PARP14: variants seen among roughly 807,000 people sequenced by gnomAD.
The protein encoded by PARP14 is protein mono-ADP-ribosyltransferase PARP14.
In PARP14, 59 loss-of-function variants were observed where a neutral mutation model predicts 154.2. The ratio of observed to expected loss-of-function variants is 0.38; its 90% CI spans 0.31 to 0.48. PARP14 has a LOEUF of 0.48. PARP14 is among the 20% of genes least tolerant of loss of function. PARP14 has a pLI of 0.98. For missense variants in PARP14, 1,734 were observed against 2,131.6 expected, an observed-to-expected ratio of 0.81 and a Z score of 3.67; for synonymous variants, 720 against 780.5, an observed-to-expected ratio of 0.92 and a Z score of 1.29.
chr3:122,717,080 T>G (rs1402783658), intron 12 of PARP14, among the ~76,000 whole-genome samples: 1 of 152,224 alleles, frequency 6.6e-6, no homozygotes, highest in Non-Finnish European at 1.5e-5. Flanking sequence ...TCTCTGATCA[T>G]CTGATTTAAA....
intron 12 of PARP14, among the ~76,000 whole-genome samples, chr3:122,716,078 G>A (rs553612665): frequency 6.6e-6 from 1 of 152,284 alleles, no homozygotes; most frequent in African/African-American, 2.4e-5. Context: ...ACTGATAGAT[G>A]TAGAAGCTTT....
chr3:122,684,330 C>T (rs1002938751), intron 1 of PARP14, among the ~76,000 whole-genome samples: 6 of 152,188 alleles, frequency 3.9e-5, no homozygotes, highest in East Asian at 1.9e-4. Context: ...CACTTCTTCC[C>T]GTTCTTCATG....
At position 122,728,055 on chromosome 3, in the gene PARP14, A is replaced by C. The variant is rs923142558; in HGVS notation, c.5116+69A>C. ...CATGAGAGCCCGAGTTGGCTGGGAC[A>C]GTGTGGATTCATTGTGGTCCCCCAT... On this transcript the variant is annotated intron_variant, in intron 16 of 16. Transcript: ENST00000474629. 3 of 1,405,404 alleles carry C rather than the reference A, an allele frequency of 2.1e-6. No individual in the cohort carries two copies. In the Admixed American group the frequency reaches 6.3e-5, roughly 29 times the overall value. The allele number at this position is 1,405,404 out of a possible 1,614,324, so 87.1% of individuals were successfully genotyped here. A position where few individuals can be genotyped will look rare whatever the true frequency, so the allele number is the denominator to read the frequency against.
intron 14 of PARP14, among the ~76,000 whole-genome samples, 155 bp downstream of exon 14, chr3:122,719,113 C>A (rs1196253229): frequency 6.6e-6 from 1 of 152,166 alleles, no homozygotes; most frequent in Non-Finnish European, 1.5e-5. Flanking sequence ...AAAGAGCTTA[C>A]GTTATGGCCA....
intron 1 of PARP14, chr3:122,683,336 C>CA: frequency 2.1e-6 from 2 of 966,872 alleles, no homozygotes; most frequent in South Asian, 9.6e-5. Flanking sequence ...TGATTTGATT[C>CA]ATATAAACTG....
Position 122,692,519 on chromosome 3 carries a change from G to A in PARP14, c.574G>A (p.Val192Ile). The A allele has an allele frequency of 6.2e-7, 1 of 1,611,224 alleles. No individual in the cohort carries two copies. The highest frequency in any genetic ancestry group is 1.7e-5 in the Admixed American group (1 of 59,898). Reference sequence around the variant, plus strand: ...AATAATAAGAGATTTTGATGTTGCTGTTGTTACCTTTCAAAAGCACATAGG... The same window carrying A: ...AATAATAAGAGATTTTGATGTTGCTATTGTTACCTTTCAAAAGCACATAGG... ...VEIIRDFDVA[V>I]VTFQKHIDTI... The change falls in exon 4 of 17, where the codon GTT (valine) becomes ATT (isoleucine). Residue 192 changes from valine to isoleucine, a missense_variant. Physicochemically the swap from Val to Ile is conservative, Grantham distance 29. This residue lies in a region of PARP14 where 1,646 missense variants were observed against 1,976.0 expected (regional missense o/e 0.83). Coordinates refer to ENST00000474629, the MANE Select transcript of PARP14 (RefSeq NM_017554.3).
rs778464011 is a variant in PARP14, at chr3:122,718,537, G to A, written c.4386G>A (p.Glu1462=). Residue 1462 remains glutamate, a synonymous_variant, in exon 14 of 17, where the codon GAG becomes GAA. Transcript: ENST00000474629. ...KEQCPYTSED[E]CIKDFDEKEY... ...AGTGTCCTTACACCAGTGAAGATGAGTGCATCAAAGACTTTGATGAAAAGG... is the reference window on the plus strand; with the variant it reads ...AGTGTCCTTACACCAGTGAAGATGAATGCATCAAAGACTTTGATGAAAAGG... 1.5e-5 allele frequency: 25 copies of A among 1,613,152 alleles called. 1 individual carries two copies. The South Asian group carries it at 2.7e-4, about 18-fold the overall frequency.
intron 15 of PARP14, 105 bp downstream of exon 15, chr3:122,720,493 C>A: frequency 9.3e-7 from 1 of 1,069,556 alleles, no homozygotes; most frequent in Non-Finnish European, 1.4e-6. Flanking sequence ...TTTTTTAAAC[C>A]CAGAATTAGA....
Position 122,681,748 on chromosome 3 carries a change from C to T in PARP14, c.187+678C>T, listed in dbSNP as rs1938216639. On this transcript the variant is annotated intron_variant, in intron 1 of 16. Coordinates refer to ENST00000474629, the MANE Select transcript of PARP14 (RefSeq NM_017554.3). The surrounding 1 kb of genome is among the most constrained non-coding windows in gnomAD (Gnocchi z 5.5). ...GTGATTGTGGGTTGGGAGATTTGAG[C>T]TTTGGAGGGAAAGTCGGCAAAGTTC... Among the ~76,000 whole-genome samples the T allele has an allele frequency of 6.6e-6, 1 of 152,158 alleles. No individual in the cohort carries two copies. Among genetic ancestry groups the T allele is most frequent in the South Asian group, 2.1e-4 (1 of 4,824 alleles).
chr3:122,716,186 T>A (rs1429268844), intron 12 of PARP14, among the ~76,000 whole-genome samples: 2 of 152,176 alleles, frequency 1.3e-5, no homozygotes, highest in Non-Finnish European at 2.9e-5. Context: ...GACACCTGCA[T>A]AAGAGGAGAG....
intron 8 of PARP14, among the ~76,000 whole-genome samples, chr3:122,707,380 C>CAAGTAAAT (rs1553747193): frequency 7.2e-6 from 1 of 139,622 alleles, no homozygotes; most frequent in East Asian, 2.1e-4. Flanking sequence ...GACTCCATCT[C>CAAGTAAAT]AAATAAATAA....
intron 8 of PARP14, among the ~76,000 whole-genome samples, chr3:122,706,817 C>CAAAAAAAAAA (rs796804488): frequency 8.0e-6 from 1 of 124,676 alleles, no homozygotes; most frequent in Non-Finnish European, 1.7e-5. Context: ...CACCAACAGG[C>CAAAAAAAAAA]AAAAAAAAAA....
chr3:122,724,645 ATTT>A (rs869132094), intron 15 of PARP14, among the ~76,000 whole-genome samples: 1 of 138,948 alleles, frequency 7.2e-6, no homozygotes. Context: ...TGAAAAAAAA[ATTT>A]TTTTTTTTTT....
chr3:122,680,936 AC>A lies in PARP14; in HGVS notation c.59del (p.Pro20ArgfsTer4). The stretch of plus-strand genomic sequence containing the variant: ...CTGGTCGAGGGCTCCTGGGGCCCCG[AC>A]CCCCCGAAGAACTTGAACACCAAGT... Reference protein sequence around the residue: ...PLLVEGSWGPDPPKNLNTKLQ... With the variant: ...PLLVEGSWGPXPPKNLNTKLQ... On this transcript the variant is annotated frameshift_variant, in exon 1 of 17. Transcript: ENST00000474629. LOFTEE classifies it high-confidence loss of function. 1.2e-6 allele frequency: 2 copies of A among 1,609,884 alleles called. 1 individual carries two copies. The highest frequency in any genetic ancestry group is 2.2e-5 in the South Asian group (2 of 90,760).
At position 122,714,377 on chromosome 3, in the gene PARP14, G is replaced by A. The variant is rs757020212; in HGVS notation, c.3948G>A (p.Gln1316=). The A allele has an allele frequency of 1.1e-4, 175 of 1,585,958 alleles. No individual in the cohort carries two copies. Among genetic ancestry groups the A allele is most frequent in the Non-Finnish European group, 1.5e-4 (170 of 1,171,540 alleles). The change falls in exon 12 of 17, where the codon CAG becomes CAA. Residue 1316 remains glutamine, a synonymous_variant. Coordinates refer to ENST00000474629, the MANE Select transcript of PARP14 (RefSeq NM_017554.3). The part of the protein sequence containing the change: ...DVKSSVSSVL[Q]ECEKKNYSSI... The stretch of plus-strand genomic sequence containing the variant: ...AGAGTTCAGTTTCCTCTGTTTTGCA[G>A]GAGTGTGAAAAAAAAAATTACTCAT...
At chr3:122,687,843 C>G (rs146949003) in intron 3 of PARP14, among the ~76,000 whole-genome samples, 1 of 152,186 alleles carries the variant, frequency 6.6e-6, no homozygotes, top group Non-Finnish European at 1.5e-5. Context: ...TATACCTAAA[C>G]CTTAAGGAAA....
intron 5 of PARP14, 30 bp from the exon 6 acceptor site, chr3:122,699,360 C>A: frequency 2.1e-6 from 3 of 1,405,536 alleles, no homozygotes; most frequent in South Asian, 1.3e-5. Flanking sequence ...TCATCCTGGG[C>A]TTACATTATT....
intron 6 of PARP14, among the ~76,000 whole-genome samples, chr3:122,702,545 T>C (rs1031280412): frequency 5.9e-5 from 9 of 152,140 alleles, no homozygotes; most frequent in African/African-American, 1.9e-4. Context: ...TTGACATGCA[T>C]GTTCTCATTC....
intron 12 of PARP14, among the ~76,000 whole-genome samples, chr3:122,715,186 C>T (rs1012130315): frequency 6.6e-6 from 1 of 152,038 alleles, no homozygotes; most frequent in East Asian, 1.9e-4. Flanking sequence ...CTTTAGGAAT[C>T]CCTGCTTGGT....
Sources: gnomAD v4.1 joint callset for allele counts (sites outside exome capture counted in the v4.1 genomes callset) on GRCh38, gnomAD v4.1.1 for gene constraint, gnomAD v4.1.1 regional missense constraint, Gnocchi (gnomAD v3.1) non-coding constraint, MANE v1.5 for transcripts, NCBI Gene and HGNC (gene_info 2026-07-23, HGNC 2026-07-21) for gene names.